The following MTMR9 variants were observed in gnomAD, a reference collection of about 807,000 sequenced individuals.
MTMR9 encodes the protein myotubularin related protein 9, also known as myotubularin-related protein 9.
MTMR9 carries 39 observed loss-of-function variants against 69.5 expected under a neutral mutation model. That is an observed-to-expected ratio of 0.56 (90% CI 0.43 to 0.73). MTMR9 has a LOEUF of 0.73. Among genes scored for constraint, MTMR9 ranks in the 30% least tolerant of loss-of-function variants. The pLI, the probability that MTMR9 is intolerant of heterozygous loss-of-function variation, is 0.00. For synonymous variants in MTMR9, 354 were observed against 240.8 expected (o/e 1.47, Z -4.35); for missense variants, 900 against 671.2 (o/e 1.34, Z -3.77).
intron 3 of MTMR9, among the ~76,000 whole-genome samples, chr8:11,302,222 C>T (rs1411553608): frequency 5.9e-5 from 8 of 134,550 alleles, no homozygotes; most frequent in African/African-American, 2.3e-4. Context: ...CGCTGCACTC[C>T]AGCCTGGGTG....
chr8:11,319,174 A>G (rs1800555069), intron 8 of MTMR9: 1 of 152,100 alleles, frequency 6.6e-6, no homozygotes, highest in African/African-American at 2.4e-5. Context: ...GTCTTTCCAG[A>G]CATTCATATT....
At chr8:11,305,093 C>A (rs2256016) in intron 4 of MTMR9, 79 bp downstream of exon 4, 794,381 of 1,373,370 alleles carry the variant, frequency 0.58, 234,179 homozygotes, top group East Asian at 0.88. Context: ...CCCTTTTGCT[C>A]TCTGTCTGTT....
intron 3 of MTMR9, chr8:11,300,603 A>G (rs1302633336): frequency 6.6e-6 from 1 of 152,346 alleles, no homozygotes; most frequent in Non-Finnish European, 1.5e-5. Flanking sequence ...AAGCAAAGTA[A>G]CTAGAAAGAA....
In MTMR9 at chr8:11,325,622, T is replaced by C. The variant is rs1800896296; in HGVS notation, c.*2834T>C. The C allele has an allele frequency of 6.6e-6, 1 of 152,068 alleles. No individual in the cohort carries two copies. The highest frequency in any genetic ancestry group is 1.5e-5 in the Non-Finnish European group (1 of 68,014). The allele number at this position is 152,068 out of a possible 1,614,324, so 9.4% of individuals were successfully genotyped here. A position where few individuals can be genotyped will look rare whatever the true frequency, so the allele number is the denominator to read the frequency against. ...TACAAAGGATCACCACAATCCTCTA[T>C]TGAACATATAAGGATCCTCAGATTT... is the stretch of plus-strand genomic sequence containing the variant. On this transcript the variant is annotated 3_prime_UTR_variant, in exon 10 of 10. Coordinates refer to ENST00000221086, the MANE Select transcript of MTMR9 (RefSeq NM_015458.4).
intron 3 of MTMR9, among the ~76,000 whole-genome samples, chr8:11,302,283 CAAAAAAAA>C (rs60497555): frequency 3.8e-5 from 4 of 103,958 alleles, no homozygotes; most frequent in Non-Finnish European, 7.4e-5. Context: ...AAGAGGAAGA[CAAAAAAAA>C]AAAAAAGGTG....
chr8:11,286,666 CA>C (rs869105936), intron 1 of MTMR9, among the ~76,000 whole-genome samples: 969 of 71,652 alleles, frequency 0.014, 4 homozygotes, highest in African/African-American at 0.03. Context: ...AACTCCATCT[CA>C]AAAAAAAAAA....
Position 11,300,016 on chromosome 8 carries a change from C to T in MTMR9, c.292-7C>T, listed in dbSNP as rs185313066. The T allele has an allele frequency of 4.8e-5, 77 of 1,601,328 alleles. 1 individual carries two copies. In the Middle Eastern group the frequency reaches 6.7e-4, roughly 14 times the overall value. On this transcript the variant is annotated splice_region_variant and splice_polypyrimidine_tract_variant and intron_variant, in intron 2 of 9. Coordinates refer to ENST00000221086, the MANE Select transcript of MTMR9 (RefSeq NM_015458.4). ...CTTTTTTGTCTTTCTTTTCTTTTTGCCCCCAGGCATTGTCTACTCTGGACT... is the reference window on the plus strand; with the variant it reads ...CTTTTTTGTCTTTCTTTTCTTTTTGTCCCCAGGCATTGTCTACTCTGGACT...
At chr8:11,334,404 G>A in the MTMR9 span, among the ~76,000 whole-genome samples, 1 of 152,130 alleles carries the variant, frequency 6.6e-6, no homozygotes, top group South Asian at 2.1e-4. Context: ...ATAGGCATAC[G>A]TTTTTCTATA....
rs1206484167 is a variant in MTMR9 at position 11,304,830 on chromosome 8, G to C, written c.418-11G>C. 1.1e-5 allele frequency: 17 copies of C among 1,611,678 alleles called. No individual in the cohort carries two copies. The highest frequency in any genetic ancestry group is 1.4e-5 in the Non-Finnish European group (16 of 1,178,776). ...TAGTTGCTTAGCTTTGAAGTATTTTGTGTTTTTCAGACCAGTGAATGGAGG... is the reference window on the plus strand; with the variant it reads ...TAGTTGCTTAGCTTTGAAGTATTTTCTGTTTTTCAGACCAGTGAATGGAGG... On this transcript the variant is annotated splice_polypyrimidine_tract_variant and intron_variant, in intron 3 of 9. Coordinates refer to ENST00000221086, the MANE Select transcript of MTMR9 (RefSeq NM_015458.4).
intron 1 of MTMR9, among the ~76,000 whole-genome samples, chr8:11,291,564 A>G (rs1425810929): frequency 6.6e-6 from 1 of 152,130 alleles, no homozygotes; most frequent in East Asian, 1.9e-4. Flanking sequence ...CTGTTCTATA[A>G]GTAACTGACT....
chr8:11,334,389 G>T, the MTMR9 span, among the ~76,000 whole-genome samples: 1 of 152,172 alleles, frequency 6.6e-6, no homozygotes, highest in Non-Finnish European at 1.5e-5. Context: ...GTGGGACAGA[G>T]CTGTATAGGC....
At chr8:11,337,900 C>G in the MTMR9 span, among the ~76,000 whole-genome samples, 4 of 152,308 alleles carry the variant, frequency 2.6e-5, no homozygotes, top group Admixed American at 2.6e-4. Flanking sequence ...GATTTACTGC[C>G]ACCACCTCTC....
At chr8:11,319,963 G>C (rs1800603986) in intron 9 of MTMR9, 125 bp downstream of exon 9, 1 of 843,002 alleles carries the variant, frequency 1.2e-6, no homozygotes, top group Non-Finnish European at 1.7e-6. Flanking sequence ...TGTGTGAATT[G>C]TCATTCTCAG....
intron 1 of MTMR9, among the ~76,000 whole-genome samples, chr8:11,288,826 G>A (rs79532698): frequency 0.019 from 2,850 of 152,290 alleles, 83 homozygotes; most frequent in African/African-American, 0.065. Context: ...AACTGTAGGG[G>A]GGCAAGACTG....
chr8:11,316,435 T>C (rs1472578167), intron 7 of MTMR9: 1 of 354,768 alleles, frequency 2.8e-6, no homozygotes, highest in Admixed American at 4.4e-5. Context: ...GTGCAGTTCC[T>C]GTGGTCACAC....
intron 1 of MTMR9, among the ~76,000 whole-genome samples, chr8:11,288,053 TTATATAA>T (rs1190847271): frequency 1.6e-5 from 2 of 126,266 alleles, no homozygotes; most frequent in South Asian, 2.3e-4. Context: ...ATAATACGTA[TTATATAA>T]TATATATTAT....
chr8:11,287,920 T>C, intron 1 of MTMR9, among the ~76,000 whole-genome samples: 1 of 128,062 alleles, frequency 7.8e-6, no homozygotes, highest in Admixed American at 9.0e-5. Flanking sequence ...ATATGTATTA[T>C]ATATTATATA....
chr8:11,295,812 A>G (rs1799535008), intron 2 of MTMR9, among the ~76,000 whole-genome samples: 1 of 152,224 alleles, frequency 6.6e-6, no homozygotes, highest in African/African-American at 2.4e-5. Context: ...TAAAATAGAT[A>G]CAGTTAGAAT....
intron 1 of MTMR9, among the ~76,000 whole-genome samples, chr8:11,287,337 T>C (rs188477242): frequency 8.5e-5 from 13 of 152,288 alleles, no homozygotes; most frequent in South Asian, 8.3e-4. Context: ...TGTTTCCTCC[T>C]TTTTACCTTG....
Sources: gnomAD v4.1 joint callset for allele counts (sites outside exome capture counted in the v4.1 genomes callset) on GRCh38, gnomAD v4.1.1 for gene constraint, MANE v1.5 for transcripts, NCBI Gene and HGNC (gene_info 2026-07-23, HGNC 2026-07-21) for gene names.